The following GABBR2 variants were observed in gnomAD, a reference collection of about 807,000 sequenced individuals.
GABBR2 encodes gamma-aminobutyric acid type B receptor subunit 2.
A neutral mutation model predicts 105.6 loss-of-function variants in GABBR2; 23 were observed. The observed-to-expected ratio is 0.22, with a 90% CI of 0.16 to 0.31. GABBR2 has a LOEUF of 0.31. GABBR2 is among the 10% of genes least tolerant of loss of function. The probability of loss-of-function intolerance (pLI) is 1.00; values close to 1 mark genes in which losing one functional copy is unlikely to be tolerated. For synonymous variants in GABBR2, 478 were observed against 499.7 expected, an observed-to-expected ratio of 0.96 and a Z score of 0.58; for missense variants, 734 against 1,245.5, an observed-to-expected ratio of 0.59 and a Z score of 6.18.
intron 2 of GABBR2, among the ~76,000 whole-genome samples, chr9:98,558,766 G>A (rs1828624944): frequency 6.6e-6 from 1 of 152,228 alleles, no homozygotes. Context: ...CACAAAAGAT[G>A]TGAAACAAAG....
intron 1 of GABBR2, among the ~76,000 whole-genome samples, chr9:98,670,913 T>A (rs964645535): frequency 6.6e-6 from 1 of 152,182 alleles, no homozygotes; most frequent in Admixed American, 6.5e-5. Context: ...GTGGTGGTGA[T>A]GACTGTACAA....
chr9:98,290,789 C>T (rs749530108), intron 18 of GABBR2, 40 bp from the exon 19 acceptor site: 2 of 1,408,176 alleles, frequency 1.4e-6, no homozygotes, highest in African/African-American at 3.0e-5. Flanking sequence ...TGAAGGGTAG[C>T]TGGGCGCTTA....
rs376323708 is a variant in GABBR2, at chr9:98,684,169, T to TTAAAAAAAAAAAAAAAAA, written c.321+24247_321+24248insTTTTTTTTTTTTTTTTTA. Among the ~76,000 whole-genome samples the TTAAAAAAAAAAAAAAAAA allele has an allele frequency of 6.0e-5, 4 of 66,116 alleles. 1 individual carries two copies. Among genetic ancestry groups the TTAAAAAAAAAAAAAAAAA allele is most frequent in the Non-Finnish European group, 1.1e-4 (4 of 36,722 alleles). The allele number at this position is 66,116 out of a possible 152,430, so 43.4% of individuals were successfully genotyped here. On this transcript the variant is annotated intron_variant, in intron 1 of 18. Transcript: ENST00000259455. ...AAAAGAAGAATGCATTTTACCACGG[T>TTAAAAAAAAAAAAAAAAA]AAAAAAAAAAAAAAAAAAAAAAAAA... is the stretch of plus-strand genomic sequence containing the variant.
At chr9:98,535,039 C>T (rs1244074178) in intron 3 of GABBR2, among the ~76,000 whole-genome samples, 5 of 152,116 alleles carry the variant, frequency 3.3e-5, no homozygotes, top group African/African-American at 1.2e-4. Context: ...ACAGTTGACC[C>T]TTGGTAACCA....
At chr9:98,552,535 G>A (rs1413337770) in intron 2 of GABBR2, among the ~76,000 whole-genome samples, 1 of 152,186 alleles carries the variant, frequency 6.6e-6, no homozygotes, top group Non-Finnish European at 1.5e-5. Flanking sequence ...TCGCCGCTGT[G>A]CTCAAGCCCT....
intron 14 of GABBR2, among the ~76,000 whole-genome samples, chr9:98,310,080 A>C (rs1421532358): frequency 6.6e-6 from 1 of 152,134 alleles, no homozygotes; most frequent in African/African-American, 2.4e-5. Context: ...AGATCTGAGG[A>C]GGGCGCAGTG....
chr9:98,695,626 T>C (rs1025474077), intron 1 of GABBR2, among the ~76,000 whole-genome samples: 1 of 152,216 alleles, frequency 6.6e-6, no homozygotes, highest in African/African-American at 2.4e-5. Context: ...TATAATAAAA[T>C]GATAACAGTA....
In GABBR2 at chr9:98,456,595, C is replaced by T. The variant is rs184274547; in HGVS notation, c.1000-2378G>A. On this transcript the variant is annotated intron_variant, in intron 6 of 18. Coordinates refer to ENST00000259455, the MANE Select transcript of GABBR2 (RefSeq NM_005458.8). ...AATCTCAAACAATACCTGCTTAGGC[C>T]CTTTTTAGGCCTCAGTTTCTCTGTC... Among the ~76,000 whole-genome samples, 8 of 152,242 alleles carry T rather than the reference C, an allele frequency of 5.3e-5. No homozygotes were observed. In the East Asian group the frequency reaches 1.5e-3, roughly 29 times the overall value.
chr9:98,605,047 T>C (rs1231111741), intron 1 of GABBR2, among the ~76,000 whole-genome samples: 3 of 152,156 alleles, frequency 2.0e-5, no homozygotes, highest in Admixed American at 6.5e-5. Flanking sequence ...CCTAATGACA[T>C]GGAAGCTGCC....
At chr9:98,621,603 C>T (rs1829672052) in intron 1 of GABBR2, among the ~76,000 whole-genome samples, 1 of 152,200 alleles carries the variant, frequency 6.6e-6, no homozygotes, top group African/African-American at 2.4e-5. Context: ...CTAAGGGCTC[C>T]TTCAGGAAAA....
intron 1 of GABBR2, among the ~76,000 whole-genome samples, chr9:98,687,769 C>T (rs1830637072): frequency 6.6e-6 from 1 of 152,202 alleles, no homozygotes; most frequent in South Asian, 2.1e-4. Flanking sequence ...ACTGGCTCCA[C>T]AGGACAGGGG....
At chr9:98,478,940 G>C (rs1250983160) in intron 5 of GABBR2, among the ~76,000 whole-genome samples, 1 of 152,140 alleles carries the variant, frequency 6.6e-6, no homozygotes, top group East Asian at 1.9e-4. Flanking sequence ...TGGGGATACT[G>C]GAGAGGGGAT....
chr9:98,456,592 G>A (rs1564076420), intron 6 of GABBR2, among the ~76,000 whole-genome samples: 1 of 152,116 alleles, frequency 6.6e-6, no homozygotes, highest in Non-Finnish European at 1.5e-5. Flanking sequence ...TACCTGCTTA[G>A]GCCCTTTTTA....
chr9:98,310,318 G>A (rs28636819), intron 14 of GABBR2, among the ~76,000 whole-genome samples: 6 of 151,684 alleles, frequency 4.0e-5, no homozygotes, highest in Non-Finnish European at 7.4e-5. Flanking sequence ...GCCTGATCTC[G>A]GCCCACCGCA....
At chr9:98,295,681 A>G (rs1830369401) in intron 17 of GABBR2, among the ~76,000 whole-genome samples, 1 of 152,116 alleles carries the variant, frequency 6.6e-6, no homozygotes, top group Non-Finnish European at 1.5e-5. Flanking sequence ...ACGTGCTACC[A>G]TGCCCGGCTA....
At chr9:98,387,629 A>G (rs10818857) in intron 10 of GABBR2, among the ~76,000 whole-genome samples, 22,646 of 152,090 alleles carry the variant, frequency 0.15, 2,116 homozygotes, top group African/African-American at 0.26. Flanking sequence ...AAAAAGCCAA[A>G]CAAACAACAA....
At chr9:98,694,224 A>T (rs1031222953) in intron 1 of GABBR2, among the ~76,000 whole-genome samples, 4 of 152,060 alleles carry the variant, frequency 2.6e-5, no homozygotes, top group African/African-American at 9.7e-5. Context: ...CCAACTAGCA[A>T]CCCCCCATGA....
chr9:98,406,935 T>G (rs1484515779), intron 7 of GABBR2, among the ~76,000 whole-genome samples: 3 of 152,202 alleles, frequency 2.0e-5, no homozygotes, highest in Non-Finnish European at 4.4e-5. Context: ...TATCACTGAA[T>G]CTTCATGCCA....
At chr9:98,619,919 T>C (rs1829644437) in intron 1 of GABBR2, among the ~76,000 whole-genome samples, 1 of 152,222 alleles carries the variant, frequency 6.6e-6, no homozygotes, top group South Asian at 2.1e-4. Context: ...TGCCTGCATA[T>C]GAACCCCAGC....
Sources: gnomAD v4.1 joint callset for allele counts (sites outside exome capture counted in the v4.1 genomes callset) on GRCh38, gnomAD v4.1.1 for gene constraint, MANE v1.5 for transcripts, NCBI Gene and HGNC (gene_info 2026-07-23, HGNC 2026-07-21) for gene names.